The following CDH13 variants were observed in gnomAD, a reference collection of about 807,000 sequenced individuals.
CDH13 encodes the protein cadherin 13, also known as cadherin-13.
CDH13 carries 24 observed loss-of-function variants against 63.8 expected under a neutral mutation model. That is an observed-to-expected ratio of 0.38 (90% CI 0.27 to 0.53). The LOEUF is 0.53. Among genes scored for constraint, CDH13 ranks in the 20% least tolerant of loss-of-function variants. The pLI is 0.85. For synonymous variants in CDH13, 503 were observed against 355.3 expected, an observed-to-expected ratio of 1.42 and a Z score of -4.67; for missense variants, 1,049 against 903.1, an observed-to-expected ratio of 1.16 and a Z score of -2.07.
chr16:83,137,259 A>G (rs1165605159), intron 4 of CDH13, among the ~76,000 whole-genome samples: 2 of 152,214 alleles, frequency 1.3e-5, no homozygotes, highest in Admixed American at 1.3e-4. Context: ...CAAGTGCAAC[A>G]TAAAAGCAAA....
chr16:82,790,202 C>T (rs753132035), intron 1 of CDH13, among the ~76,000 whole-genome samples: 5 of 151,960 alleles, frequency 3.3e-5, no homozygotes, highest in African/African-American at 7.3e-5. Context: ...TTTGGGAGGC[C>T]GAGGCAGGCA....
At chr16:83,455,732 C>A (rs1373882203) in intron 6 of CDH13, among the ~76,000 whole-genome samples, 1 of 152,202 alleles carries the variant, frequency 6.6e-6, no homozygotes, top group Non-Finnish European at 1.5e-5. Flanking sequence ...ACCTGGACAA[C>A]TGTTCCTGCT....
intron 6 of CDH13, among the ~76,000 whole-genome samples, chr16:83,383,418 C>T (rs544287737): frequency 6.6e-6 from 1 of 152,272 alleles, no homozygotes; most frequent in African/African-American, 2.4e-5. Context: ...ATGCTGCTCT[C>T]ATGAGACCTC....
intron 2 of CDH13, among the ~76,000 whole-genome samples, chr16:82,898,789 G>T (rs1002376637): frequency 5.3e-5 from 8 of 152,324 alleles, no homozygotes; most frequent in African/African-American, 1.4e-4. Flanking sequence ...GCTTCATCCA[G>T]TTATTTGGGG....
intron 10 of CDH13, among the ~76,000 whole-genome samples, chr16:83,719,100 C>T (rs919522140): frequency 6.6e-5 from 10 of 152,298 alleles, no homozygotes; most frequent in Admixed American, 3.3e-4. Context: ...TCCTTAAAAC[C>T]AGCCCATTCA....
chr16:83,278,463 AG>A (rs2089061207), intron 5 of CDH13, among the ~76,000 whole-genome samples: 1 of 152,220 alleles, frequency 6.6e-6, no homozygotes, highest in East Asian at 1.9e-4. Flanking sequence ...TGCAAAGCCA[AG>A]CCCTGACTTG....
intron 5 of CDH13, among the ~76,000 whole-genome samples, chr16:83,228,048 G>A (rs898347069): frequency 3.9e-5 from 6 of 152,164 alleles, no homozygotes; most frequent in Non-Finnish European, 5.9e-5. Context: ...GCTTGGTCCA[G>A]GAAGGCCCTC....
intron 11 of CDH13, among the ~76,000 whole-genome samples, chr16:83,751,219 C>G (rs1287798400): frequency 6.6e-6 from 1 of 152,196 alleles, no homozygotes; most frequent in Non-Finnish European, 1.5e-5. Flanking sequence ...GTCATGAAAT[C>G]AATCGTGAAA....
At chr16:82,855,724 A>G (rs544377983) in intron 1 of CDH13, among the ~76,000 whole-genome samples, 1 of 152,138 alleles carries the variant, frequency 6.6e-6, no homozygotes, top group East Asian at 1.9e-4. Context: ...CGTTCTTTTC[A>G]CTTTGATTTG....
At chr16:83,173,910 C>T (rs2038021432) in intron 4 of CDH13, among the ~76,000 whole-genome samples, 2 of 152,086 alleles carry the variant, frequency 1.3e-5, no homozygotes, top group African/African-American at 4.8e-5. Flanking sequence ...TAGAACATGC[C>T]ATCCCAGACC....
At chr16:83,014,078 G>T (rs1195631468) in intron 2 of CDH13, among the ~76,000 whole-genome samples, 1 of 150,752 alleles carries the variant, frequency 6.6e-6, no homozygotes, top group Non-Finnish European at 1.5e-5. Context: ...AAGGAAAAAA[G>T]CAAAAAGAAC....
chr16:82,792,539 G>C (rs1457616154), intron 1 of CDH13, among the ~76,000 whole-genome samples: 2 of 152,208 alleles, frequency 1.3e-5, no homozygotes, highest in Middle Eastern at 3.4e-3. Context: ...CCAAGTCATT[G>C]ACCCCAGGTT....
intron 5 of CDH13, among the ~76,000 whole-genome samples, chr16:83,298,923 A>G (rs2089665623): frequency 6.6e-6 from 1 of 152,224 alleles, no homozygotes. Context: ...GTATTTTGCA[A>G]TAAATTTATA....
chr16:83,784,521 A>C (rs1915748354), intron 13 of CDH13, among the ~76,000 whole-genome samples: 2 of 151,524 alleles, frequency 1.3e-5, no homozygotes, highest in African/African-American at 4.9e-5. Context: ...AGTCCCAGCT[A>C]CTCGGGAGGC....
chr16:83,060,581 C>G (rs370395415), intron 3 of CDH13, among the ~76,000 whole-genome samples: 26 of 152,266 alleles, frequency 1.7e-4, no homozygotes, highest in African/African-American at 5.8e-4. Context: ...GGTTAAGTAA[C>G]ATTCCCACTG....
intron 8 of CDH13, among the ~76,000 whole-genome samples, chr16:83,645,760 G>A (rs888035599): frequency 6.6e-6 from 1 of 152,008 alleles, no homozygotes; most frequent in Non-Finnish European, 1.5e-5. Context: ...GAGCATAAGG[G>A]AAGGGGCAGG....
intron 6 of CDH13, among the ~76,000 whole-genome samples, chr16:83,349,039 C>T (rs1229827514): frequency 1.3e-5 from 2 of 152,202 alleles, no homozygotes; most frequent in Non-Finnish European, 2.9e-5. Context: ...GAAGGTCACC[C>T]ATATTTATCT....
intron 2 of CDH13, among the ~76,000 whole-genome samples, chr16:82,959,349 T>C (rs1388911182): frequency 6.6e-6 from 1 of 152,200 alleles, no homozygotes; most frequent in Non-Finnish European, 1.5e-5. Flanking sequence ...TGGCAAATGA[T>C]GTTTTGCCTC....
chr16:83,592,805 G>T (rs986455936), intron 7 of CDH13, among the ~76,000 whole-genome samples: 10 of 152,160 alleles, frequency 6.6e-5, no homozygotes, highest in African/African-American at 2.4e-4. Context: ...AAAACAGCAG[G>T]TGACAGCCAA....
Sources: gnomAD v4.1 joint callset for allele counts (sites outside exome capture counted in the v4.1 genomes callset) on GRCh38, gnomAD v4.1.1 for gene constraint, MANE v1.5 for transcripts, NCBI Gene and HGNC (gene_info 2026-07-23, HGNC 2026-07-21) for gene names.